Variants in RORB observed in about 807,000 individuals in gnomAD.
The protein encoded by RORB is nuclear receptor ROR-beta.
Under a neutral mutation model 59.1 loss-of-function variants are expected in RORB, and 6 were observed. The observed-to-expected ratio is 0.10, with a 90% confidence interval of 0.06 to 0.20. The LOEUF (loss-of-function observed/expected upper bound fraction) is 0.20, where lower values mean the gene tolerates loss of function less well. Ranked by LOEUF, RORB falls within the 10% of genes least tolerant of loss-of-function variation. RORB has a pLI of 1.00. For missense variants in RORB, 320 were observed against 560.5 expected (o/e 0.57, Z 4.33); for synonymous variants, 215 against 204.5 (o/e 1.05, Z -0.44).
chr9:74,507,956 G>T (rs1349883490), intron 1 of RORB, among the ~76,000 whole-genome samples: 1 of 151,666 alleles, frequency 6.6e-6, no homozygotes, highest in East Asian at 1.9e-4. Flanking sequence ...ATCCTTCTTG[G>T]CAATACTTTA....
At chr9:74,677,149 G>A (rs1315094968) in intron 9 of RORB, among the ~76,000 whole-genome samples, 1 of 152,172 alleles carries the variant, frequency 6.6e-6, no homozygotes, top group South Asian at 2.1e-4. Context: ...CTACGACATA[G>A]AGAGAGTAGA....
chr9:74,553,542 A>C (rs1826643851), intron 1 of RORB, among the ~76,000 whole-genome samples: 1 of 151,668 alleles, frequency 6.6e-6, no homozygotes, highest in South Asian at 2.1e-4. Flanking sequence ...AGTATTCAAC[A>C]GTGAGGTGAA....
chr9:74,645,139 C>A (rs1363981342), intron 4 of RORB, among the ~76,000 whole-genome samples: 1 of 152,034 alleles, frequency 6.6e-6, no homozygotes, highest in African/African-American at 2.4e-5. Context: ...GGCTGTCCTG[C>A]CAGTGCTCTC....
intron 1 of RORB, among the ~76,000 whole-genome samples, chr9:74,617,243 CG>C (rs1823328642): frequency 6.6e-6 from 1 of 152,228 alleles, no homozygotes; most frequent in African/African-American, 2.4e-5. Context: ...ATGGAACAAC[CG>C]TAAGTATCTC....
intron 1 of RORB, among the ~76,000 whole-genome samples, chr9:74,609,935 A>G (rs768561718): frequency 6.6e-6 from 1 of 152,212 alleles, no homozygotes; most frequent in African/African-American, 2.4e-5. Flanking sequence ...TACACAGAAC[A>G]GCTCCAGAGA....
chr9:74,548,857 T>C (rs1241187145), intron 1 of RORB, among the ~76,000 whole-genome samples: 2 of 152,232 alleles, frequency 1.3e-5, no homozygotes, highest in East Asian at 1.9e-4. Flanking sequence ...TTTTTTATGG[T>C]TTCAGTTATT....
chr9:74,619,624 G>C (rs1823375668), intron 1 of RORB, among the ~76,000 whole-genome samples: 1 of 152,010 alleles, frequency 6.6e-6, no homozygotes, highest in African/African-American at 2.4e-5. Context: ...GCTAATTTTT[G>C]TATTTTTAGT....
chr9:74,553,370 T>C (rs896428003), intron 1 of RORB, among the ~76,000 whole-genome samples: 2 of 152,166 alleles, frequency 1.3e-5, no homozygotes, highest in African/African-American at 4.8e-5. Context: ...AAGAATTCCT[T>C]GTAAGAATGC....
intron 1 of RORB, among the ~76,000 whole-genome samples, chr9:74,559,825 A>G (rs1407959679): frequency 6.6e-6 from 1 of 152,188 alleles, no homozygotes; most frequent in Non-Finnish European, 1.5e-5. Context: ...TGAAAAAAAC[A>G]AGGCCTGCTT....
chr9:74,500,246 G>A (rs1238786206), intron 1 of RORB, among the ~76,000 whole-genome samples: 2 of 152,062 alleles, frequency 1.3e-5, no homozygotes, highest in East Asian at 3.9e-4. Context: ...TCACTCTATC[G>A]CCATTCCTGG....
chr9:74,569,086 TA>T (rs1303756696), intron 1 of RORB, among the ~76,000 whole-genome samples: 1 of 152,088 alleles, frequency 6.6e-6, no homozygotes, highest in African/African-American at 2.4e-5. Flanking sequence ...TGATATATTA[TA>T]GTGTAAATAA....
chr9:74,498,168 T>A (rs2117998775), intron 1 of RORB, 185 bp downstream of exon 1: 1 of 697,258 alleles, frequency 1.4e-6, no homozygotes, highest in East Asian at 2.7e-5. Context: ...AAGGTGTTGA[T>A]GTCTTTCGGG....
intron 1 of RORB, among the ~76,000 whole-genome samples, chr9:74,594,379 AC>A (rs1033922851): frequency 6.6e-6 from 1 of 152,156 alleles, no homozygotes; most frequent in African/African-American, 2.4e-5. Context: ...TTTCAATCAA[AC>A]CTTATGGAAG....
At chr9:74,599,207 C>T (rs1214158304) in intron 1 of RORB, among the ~76,000 whole-genome samples, 2 of 152,224 alleles carry the variant, frequency 1.3e-5, no homozygotes, top group African/African-American at 2.4e-5. Flanking sequence ...ACACTTCACC[C>T]TTTGAACTGT....
intron 1 of RORB, among the ~76,000 whole-genome samples, chr9:74,563,820 A>T (rs1365098196): frequency 6.6e-6 from 1 of 152,196 alleles, no homozygotes; most frequent in Non-Finnish European, 1.5e-5. Context: ...CAAGTCTTAG[A>T]GGGATGCAGA....
intron 1 of RORB, among the ~76,000 whole-genome samples, chr9:74,601,886 TG>T (rs1391197009): frequency 1.9e-4 from 29 of 152,168 alleles, no homozygotes; most frequent in Non-Finnish European, 3.4e-4. Context: ...AGAGATGAGT[TG>T]AACAAGCAAA....
chr9:74,660,854 A>C (rs1258414417), intron 5 of RORB, 116 bp downstream of exon 5: 1 of 1,052,564 alleles, frequency 9.5e-7, no homozygotes, highest in African/African-American at 1.6e-5. Context: ...GGCATCCTGC[A>C]AATTGTTCGA....
chr9:74,664,035 G>C, intron 6 of RORB, among the ~76,000 whole-genome samples: 1 of 152,052 alleles, frequency 6.6e-6, no homozygotes, highest in Non-Finnish European at 1.5e-5. Flanking sequence ...TAGGGGAGTG[G>C]TAAGGTCCTA....
At chr9:74,667,480 C>CATTAAATATATAA (rs1260218857) in intron 7 of RORB, among the ~76,000 whole-genome samples, 4 of 152,156 alleles carry the variant, frequency 2.6e-5, no homozygotes, top group Non-Finnish European at 4.4e-5. Flanking sequence ...AATGTGAAAT[C>CATTAAATATATAA]ATTTCAAATT....
Sources: allele counts gnomAD v4.1 joint callset (sites outside exome capture counted in the v4.1 genomes callset), GRCh38; gene constraint gnomAD v4.1.1; transcripts MANE v1.5; gene names NCBI Gene and HGNC (gene_info 2026-07-23, HGNC 2026-07-21).